The following INTS6 variants were observed in gnomAD, a reference collection of about 807,000 sequenced individuals.
INTS6 encodes DEAD box protein.
Under a neutral mutation model 104.9 loss-of-function variants are expected in INTS6, and 16 were observed. The ratio of observed to expected loss-of-function variants is 0.15; its 90% CI spans 0.10 to 0.23. INTS6 has a LOEUF of 0.23. Among genes scored for constraint, INTS6 ranks in the 10% least tolerant of loss-of-function variants. The pLI, the probability that INTS6 is intolerant of heterozygous loss-of-function variation, is 1.00. For missense variants in INTS6, 584 were observed against 1,062.8 expected (o/e 0.55, Z 6.26); for synonymous variants, 324 against 358.7 (o/e 0.90, Z 1.09).
intron 3 of INTS6, chr13:51,445,843 T>G (rs556619404): frequency 3.0e-4 from 46 of 152,348 alleles, no homozygotes; most frequent in African/African-American, 1.1e-3. Flanking sequence ...AGGGCAAGTC[T>G]CTTCAACATG....
intron 2 of INTS6, 39 bp downstream of exon 2, chr13:51,451,939 G>C: frequency 6.6e-7 from 1 of 1,514,512 alleles, no homozygotes; most frequent in Non-Finnish European, 9.1e-7. Flanking sequence ...AAGGAACAGG[G>C]AAGGGAAGGG....
intron 4 of INTS6, among the ~76,000 whole-genome samples, chr13:51,420,348 T>C (rs1956873931): frequency 6.6e-6 from 1 of 151,284 alleles, no homozygotes; most frequent in Non-Finnish European, 1.5e-5. Flanking sequence ...AAAAAAAAAG[T>C]TAAGTCTTAG....
chr13:51,389,005 A>G (rs954395534), intron 6 of INTS6, among the ~76,000 whole-genome samples: 1 of 152,244 alleles, frequency 6.6e-6, no homozygotes, highest in Non-Finnish European at 1.5e-5. Context: ...TAGGAGAAGC[A>G]TATATATGTT....
intron 10 of INTS6, among the ~76,000 whole-genome samples, chr13:51,380,524 T>C (rs1437421726): frequency 6.6e-6 from 1 of 152,162 alleles, no homozygotes; most frequent in Non-Finnish European, 1.5e-5. Flanking sequence ...AAGTGTTTGT[T>C]CTTTTTTGTC....
At chr13:51,382,871 G>T (rs1197150576) in intron 9 of INTS6, among the ~76,000 whole-genome samples, 1 of 152,234 alleles carries the variant, frequency 6.6e-6, no homozygotes, top group Non-Finnish European at 1.5e-5. Context: ...GAGATCAGGA[G>T]TTCAAGACCA....
intron 4 of INTS6, 77 bp from the exon 5 acceptor site, chr13:51,395,560 C>T (rs3825524): frequency 0.21 from 270,986 of 1,268,204 alleles, 29,795 homozygotes; most frequent in South Asian, 0.32. Flanking sequence ...ATTACACTTA[C>T]GTTAGAACTG....
chr13:51,451,751 C>T (rs956890662), intron 2 of INTS6, among the ~76,000 whole-genome samples: 1 of 147,026 alleles, frequency 6.8e-6, no homozygotes, highest in African/African-American at 2.5e-5. Flanking sequence ...CCGCCGCTGC[C>T]GGGCCGGGCC....
Position 51,364,210 on chromosome 13 carries a change from T to G in INTS6, c.*1542A>C. The G allele has an allele frequency of 8.3e-7, 1 of 1,212,038 alleles. No individual in the cohort carries two copies. The highest frequency in any genetic ancestry group is 1.4e-5 in the South Asian group (1 of 69,870). 75.1% of individuals were successfully genotyped at this position (1,212,038 alleles called of 1,614,324 possible). On this transcript the variant is annotated 3_prime_UTR_variant, in exon 18 of 18. Coordinates refer to ENST00000311234, the MANE Select transcript of INTS6 (RefSeq NM_012141.3). ...AAGAACTGCATATGAAAATACTATA[T>G]AATATTAAATTCTTCTTTTTCTTGA...
chr13:51,392,066 G>C (rs1956253825), intron 5 of INTS6, among the ~76,000 whole-genome samples: 1 of 152,044 alleles, frequency 6.6e-6, no homozygotes, highest in African/African-American at 2.4e-5. Flanking sequence ...TTTGCATTAA[G>C]CCACCTCTCA....
At chr13:51,438,083 A>AT (rs1323014548) in intron 3 of INTS6, 1 of 152,124 alleles carries the variant, frequency 6.6e-6, no homozygotes, top group East Asian at 1.9e-4. Context: ...AAAAATGTGG[A>AT]TTTTTTTGTT....
chr13:51,402,741 C>G (rs1057045530), intron 4 of INTS6: 1 of 152,120 alleles, frequency 6.6e-6, no homozygotes, highest in African/African-American at 2.4e-5. Context: ...TGCCCCTTCA[C>G]CTTTGAGTCC....
At chr13:51,451,860 G>C in intron 2 of INTS6, 118 bp downstream of exon 2, 1 of 636,394 alleles carries the variant, frequency 1.6e-6, no homozygotes, top group East Asian at 3.1e-5. Context: ...CTCAGCGGCT[G>C]GGAGCGCAGC....
chr13:51,448,692 G>A (rs1318491215), intron 3 of INTS6: 1 of 152,112 alleles, frequency 6.6e-6, no homozygotes, highest in African/African-American at 2.4e-5. Context: ...TATTAACCCA[G>A]ACATTTAAGA....
chr13:51,425,515 A>G (rs1956968992), intron 4 of INTS6, among the ~76,000 whole-genome samples: 1 of 151,932 alleles, frequency 6.6e-6, no homozygotes, highest in South Asian at 2.1e-4. Context: ...AGAAATCTCA[A>G]TATTTGAAAG....
downstream of INTS6, among the ~76,000 whole-genome samples, chr13:51,349,233 G>A (rs1173047922): frequency 1.3e-5 from 2 of 152,200 alleles, no homozygotes; most frequent in East Asian, 3.8e-4. Flanking sequence ...CAAAGGCAAA[G>A]TCCTTGGCAG....
chr13:51,403,584 AAAAAAAAAAG>A (rs1457728528), intron 4 of INTS6, among the ~76,000 whole-genome samples: 8 of 84,532 alleles, frequency 9.5e-5, no homozygotes, highest in African/African-American at 4.0e-4. Context: ...TCCATTTCAA[AAAAAAAAAAG>A]AAAAAAAAAA....
At chr13:51,416,930 C>T (rs986550684) in intron 4 of INTS6, among the ~76,000 whole-genome samples, 14 of 152,182 alleles carry the variant, frequency 9.2e-5, no homozygotes, top group African/African-American at 2.9e-4. Flanking sequence ...TAGGTGTAAA[C>T]TGCTATCTCA....
In INTS6 at chr13:51,367,789, G is replaced by T; in HGVS notation, c.2570+16C>A. On this transcript the variant is annotated intron_variant, in intron 17 of 17. Transcript: ENST00000311234. ...TCATTTCATCACCATTTCATTATATGCAATAGTTTATTTACCTTGATGCTT... is the reference window on the plus strand; with the variant it reads ...TCATTTCATCACCATTTCATTATATTCAATAGTTTATTTACCTTGATGCTT... 1.5e-6 allele frequency: 2 copies of T among 1,347,364 alleles called. No homozygotes were observed. The highest frequency in any genetic ancestry group is 1.1e-6 in the Non-Finnish European group (1 of 951,662). 83.5% of individuals were successfully genotyped at this position (1,347,364 alleles called of 1,614,324 possible). A position where few individuals can be genotyped will look rare whatever the true frequency, so the allele number is the denominator to read the frequency against.
chr13:51,350,504 G>T (rs1233410058), downstream of INTS6, among the ~76,000 whole-genome samples: 1 of 152,074 alleles, frequency 6.6e-6, no homozygotes, highest in Non-Finnish European at 1.5e-5. Context: ...TTTGATATTA[G>T]ATATAATATA....
Sources: allele counts gnomAD v4.1 joint callset (sites outside exome capture counted in the v4.1 genomes callset), GRCh38; gene constraint gnomAD v4.1.1; transcripts MANE v1.5; gene names NCBI Gene and HGNC (gene_info 2026-07-23, HGNC 2026-07-21).